Variants in RPTOR observed in about 807,000 individuals in gnomAD.
The protein encoded by RPTOR is regulatory associated protein of MTOR complex 1, also known as regulatory-associated protein of mTOR.
In RPTOR, 21 loss-of-function variants were observed where a neutral mutation model predicts 169.9. The observed-to-expected ratio is 0.12, with a 90% CI of 0.09 to 0.18. The LOEUF (loss-of-function observed/expected upper bound fraction) is 0.18. Ranked by LOEUF, RPTOR falls within the 10% of genes least tolerant of loss-of-function variation. The probability of loss-of-function intolerance (pLI) is 1.00; values close to 1 mark genes in which losing one functional copy is unlikely to be tolerated. For synonymous variants in RPTOR, 732 were observed against 753.2 expected (o/e 0.97, Z 0.46); for missense variants, 1,133 against 1,855.9 (o/e 0.61, Z 7.16).
At chr17:80,598,719 C>T (rs2065162291) in intron 1 of RPTOR, among the ~76,000 whole-genome samples, 1 of 152,096 alleles carries the variant, frequency 6.6e-6, no homozygotes, top group Non-Finnish European at 1.5e-5. Flanking sequence ...CTGTGTTTTC[C>T]CTGCATGGAG....
chr17:80,869,962 A>G (rs987354843), intron 13 of RPTOR, among the ~76,000 whole-genome samples: 4 of 152,144 alleles, frequency 2.6e-5, no homozygotes, highest in Admixed American at 6.5e-5. Context: ...CGCTGGTCAC[A>G]CTTTGCAAGG....
chr17:80,564,863 C>T (rs1170803146), intron 1 of RPTOR, among the ~76,000 whole-genome samples: 2 of 152,146 alleles, frequency 1.3e-5, no homozygotes, highest in Non-Finnish European at 1.5e-5. Flanking sequence ...TTTTCTGTTC[C>T]CGTGTTAGTT....
chr17:80,574,371 T>C (rs1252361124), intron 1 of RPTOR, among the ~76,000 whole-genome samples: 31 of 150,278 alleles, frequency 2.1e-4, no homozygotes, highest in African/African-American at 7.2e-4. Flanking sequence ...TTTCACCTTG[T>C]TAGCCAGGAT....
intron 6 of RPTOR, among the ~76,000 whole-genome samples, chr17:80,781,531 G>C (rs11150743): frequency 0.25 from 38,428 of 152,070 alleles, 4,916 homozygotes; most frequent in South Asian, 0.27. Context: ...ACTCAAAAAG[G>C]GCCCCTTCTT....
intron 8 of RPTOR, among the ~76,000 whole-genome samples, chr17:80,822,638 T>A (rs75555765): frequency 0.026 from 3,910 of 152,310 alleles, 195 homozygotes; most frequent in African/African-American, 0.09. Flanking sequence ...TTGTAAGACT[T>A]GTTTGTATTT....
At chr17:80,796,914 C>T (rs1328515041) in intron 7 of RPTOR, among the ~76,000 whole-genome samples, 30 of 152,232 alleles carry the variant, frequency 2.0e-4, no homozygotes, top group Admixed American at 2.0e-3. Context: ...TAGAATTATA[C>T]AGCAATGGAG....
chr17:80,741,844 T>G (rs375858183), intron 5 of RPTOR, among the ~76,000 whole-genome samples: 1 of 151,902 alleles, frequency 6.6e-6, no homozygotes, highest in Non-Finnish European at 1.5e-5. Context: ...CGGTGGTGTG[T>G]GTAGAGTCTG....
At chr17:80,583,004 C>T (rs1485328770) in intron 1 of RPTOR, among the ~76,000 whole-genome samples, 7 of 150,648 alleles carry the variant, frequency 4.6e-5, no homozygotes. Context: ...CAACTTTCAC[C>T]TCCCAGGTTC....
chr17:80,636,381 G>A (rs909274160), intron 2 of RPTOR, among the ~76,000 whole-genome samples: 1 of 152,138 alleles, frequency 6.6e-6, no homozygotes, highest in Non-Finnish European at 1.5e-5. Flanking sequence ...CAGAATACCC[G>A]AGACTGGGTA....
At chr17:80,600,061 G>A (rs1030965920) in intron 1 of RPTOR, among the ~76,000 whole-genome samples, 21 of 152,144 alleles carry the variant, frequency 1.4e-4, no homozygotes, top group Non-Finnish European at 2.6e-4. Context: ...TGTGAGCTCC[G>A]TTCCTAAGGC....
chr17:80,778,120 G>C (rs779834593), intron 6 of RPTOR, among the ~76,000 whole-genome samples: 7 of 152,238 alleles, frequency 4.6e-5, no homozygotes, highest in Middle Eastern at 6.8e-3. Flanking sequence ...TGTTTTTCAT[G>C]GATTAATCAA....
intron 6 of RPTOR, among the ~76,000 whole-genome samples, chr17:80,776,954 G>A (rs2066897292): frequency 6.6e-6 from 1 of 152,178 alleles, no homozygotes; most frequent in African/African-American, 2.4e-5. Context: ...AAGTGAAGGG[G>A]GAGGCCGGGC....
chr17:80,690,002 T>C (rs1248496607), intron 3 of RPTOR, among the ~76,000 whole-genome samples: 4 of 152,248 alleles, frequency 2.6e-5, no homozygotes, highest in Non-Finnish European at 5.9e-5. Flanking sequence ...TTAAGTTATA[T>C]GTAAAAGCAT....
At chr17:80,704,724 T>G (rs2066129431) in intron 3 of RPTOR, among the ~76,000 whole-genome samples, 1 of 152,212 alleles carries the variant, frequency 6.6e-6, no homozygotes, top group Non-Finnish European at 1.5e-5. Context: ...CTGAGTGTGT[T>G]GTAATGCTGG....
At chr17:80,873,677 C>T (rs1393788071) in intron 13 of RPTOR, among the ~76,000 whole-genome samples, 2 of 152,186 alleles carry the variant, frequency 1.3e-5, no homozygotes, top group African/African-American at 2.4e-5. Context: ...ACAATGAGCT[C>T]GGTGTGCCCC....
intron 1 of RPTOR, among the ~76,000 whole-genome samples, chr17:80,613,589 C>A (rs765065003): frequency 6.6e-6 from 1 of 152,130 alleles, no homozygotes; most frequent in Non-Finnish European, 1.5e-5. Context: ...GTGTTGGACT[C>A]GGGCTGGGCT....
chr17:80,923,184 T>A (rs887670409), intron 22 of RPTOR, among the ~76,000 whole-genome samples: 20 of 152,248 alleles, frequency 1.3e-4, no homozygotes, highest in African/African-American at 4.6e-4. Flanking sequence ...CACTGCTGTG[T>A]GCTGAGCTCG....
At chr17:80,750,072 G>C (rs1217198220) in intron 5 of RPTOR, among the ~76,000 whole-genome samples, 1 of 151,698 alleles carries the variant, frequency 6.6e-6, no homozygotes, top group Non-Finnish European at 1.5e-5. Context: ...GGCTGATCTT[G>C]AACTCCTGGG....
chr17:80,852,893 C>T (rs1242259206), intron 11 of RPTOR, among the ~76,000 whole-genome samples: 3 of 152,062 alleles, frequency 2.0e-5, no homozygotes, highest in Non-Finnish European at 4.4e-5. Context: ...GATCCTCCAC[C>T]CTCACTGGCC....
Sources: gnomAD v4.1 joint callset for allele counts (sites outside exome capture counted in the v4.1 genomes callset) on GRCh38, gnomAD v4.1.1 for gene constraint, MANE v1.5 for transcripts, NCBI Gene and HGNC (gene_info 2026-07-23, HGNC 2026-07-21) for gene names.